Variants in DNM3 observed in about 807,000 individuals in gnomAD.
The protein encoded by DNM3 is dynamin 3.
Under a neutral mutation model 101.6 loss-of-function variants are expected in DNM3, and 47 were observed. The ratio of observed to expected loss-of-function variants is 0.46; its 90% CI spans 0.37 to 0.59. The LOEUF (loss-of-function observed/expected upper bound fraction) is 0.59. Ranked by LOEUF, DNM3 falls within the 20% of genes least tolerant of loss-of-function variation. DNM3 has a pLI of 0.00. For synonymous variants in DNM3, 385 were observed against 387.9 expected (o/e 0.99, Z 0.09); for missense variants, 849 against 1,085.7 (o/e 0.78, Z 3.06).
chr1:171,854,714 T>A (rs779491325), intron 1 of DNM3, among the ~76,000 whole-genome samples: 1 of 151,936 alleles, frequency 6.6e-6, no homozygotes, highest in Non-Finnish European at 1.5e-5. Flanking sequence ...AGAGCTGGGA[T>A]TACAGGCCCC....
At chr1:172,246,172 C>T (rs2061945903) in intron 14 of DNM3, among the ~76,000 whole-genome samples, 1 of 152,156 alleles carries the variant, frequency 6.6e-6, no homozygotes, top group Non-Finnish European at 1.5e-5. Context: ...CCAGGTCCTT[C>T]CTCCAACATT....
intron 14 of DNM3, among the ~76,000 whole-genome samples, chr1:172,214,515 T>TCCC (rs35963512): frequency 3.3e-5 from 5 of 151,396 alleles, no homozygotes; most frequent in African/African-American, 1.2e-4. Flanking sequence ...ACACACCTCA[T>TCCC]CCCCCCCACA....
chr1:172,014,267 A>G (rs1041668077), intron 4 of DNM3, among the ~76,000 whole-genome samples: 1 of 152,184 alleles, frequency 6.6e-6, no homozygotes, highest in Non-Finnish European at 1.5e-5. Context: ...AAATGAAGTA[A>G]CTCAGGAATG....
chr1:172,413,721 A>G (rs2071330578), downstream of DNM3, among the ~76,000 whole-genome samples: 1 of 152,154 alleles, frequency 6.6e-6, no homozygotes, highest in Non-Finnish European at 1.5e-5. Flanking sequence ...GAGGAGAGAG[A>G]TGTTGATTTA....
At chr1:172,407,712 G>T (rs2070996168) in intron 20 of DNM3, 60 bp from the exon 21 acceptor site, 3 of 1,563,596 alleles carry the variant, frequency 1.9e-6, no homozygotes, top group South Asian at 2.2e-5. Context: ...AGTGTCCTTG[G>T]AACAATGTTC....
At chr1:172,146,514 C>T (rs1372834333) in intron 14 of DNM3, among the ~76,000 whole-genome samples, 1 of 152,042 alleles carries the variant, frequency 6.6e-6, no homozygotes, top group South Asian at 2.1e-4. Flanking sequence ...TCTTTAGGAC[C>T]TATTCAATAG....
intron 10 of DNM3, among the ~76,000 whole-genome samples, chr1:172,058,002 C>G (rs1402994926): frequency 7.0e-6 from 1 of 142,498 alleles, no homozygotes; most frequent in Non-Finnish European, 1.5e-5. Flanking sequence ...GGAGGAAGAT[C>G]TACCAAGCAA....
chr1:172,339,054 G>C (rs1247595060), intron 17 of DNM3: 1 of 492,718 alleles, frequency 2.0e-6, no homozygotes, highest in African/African-American at 2.0e-5. Context: ...AAATAAAAAA[G>C]AAAGTTTGAT....
chr1:171,916,089 A>C (rs2145382), intron 1 of DNM3, among the ~76,000 whole-genome samples: 57,181 of 152,012 alleles, frequency 0.38, 11,461 homozygotes, highest in East Asian at 0.5. Context: ...ATGTAAAGAT[A>C]AATGTGTACA....
chr1:171,867,182 G>A lies in DNM3; in HGVS notation c.161+25365G>A, dbSNP rs571337991. On this transcript the variant is annotated intron_variant, in intron 1 of 20. Coordinates refer to ENST00000627582, the MANE Select transcript of DNM3 (RefSeq NM_015569.5). ...AGGGCAGGGCTCCCTAAAGGATAAA[G>A]GAGCTGAAGGTCAGGCTTTGAACTG... 6.4e-4 allele frequency among the ~76,000 whole-genome samples: 98 copies of A among 152,204 alleles called. 1 individual carries two copies. Among genetic ancestry groups the A allele is most frequent in the Non-Finnish European group, 1.0e-3 (70 of 68,034 alleles).
intron 2 of DNM3, among the ~76,000 whole-genome samples, chr1:171,945,215 AT>A (rs558018685): frequency 2.7e-5 from 4 of 150,168 alleles, no homozygotes; most frequent in South Asian, 2.1e-4. Flanking sequence ...ACATCATTGC[AT>A]TTTTTTTTCC....
At chr1:171,939,556 G>A (rs780632181) in intron 2 of DNM3, among the ~76,000 whole-genome samples, 5 of 152,128 alleles carry the variant, frequency 3.3e-5, no homozygotes, top group Non-Finnish European at 7.4e-5. Flanking sequence ...AGATCGGATG[G>A]AAGAAAGACA....
intron 2 of DNM3, among the ~76,000 whole-genome samples, chr1:171,956,233 G>T (rs1005796823): frequency 6.6e-6 from 1 of 152,124 alleles, no homozygotes; most frequent in Admixed American, 6.5e-5. Flanking sequence ...CTGAGACAAG[G>T]CGAGTCCCTT....
chr1:172,410,905 T>C lies in DNM3; in HGVS notation c.*3064T>C. On this transcript the variant is annotated 3_prime_UTR_variant, in exon 21 of 21. Coordinates refer to ENST00000627582, the MANE Select transcript of DNM3 (RefSeq NM_015569.5). ...ACCTAATACCAGTATGTGATAAATG[T>C]TGATGTTTTCTGTGTACAAACACAT... 3.0e-6 allele frequency: 3 copies of C among 985,324 alleles called. No individual in the cohort carries two copies. The highest frequency in any genetic ancestry group is 3.6e-6 in the Non-Finnish European group (3 of 829,842). The allele number at this position is 985,324 out of a possible 1,614,324, so 61.0% of individuals were successfully genotyped here.
chr1:172,308,480 CT>C (rs1333493911), intron 15 of DNM3, among the ~76,000 whole-genome samples: 1 of 152,118 alleles, frequency 6.6e-6, no homozygotes, highest in East Asian at 1.9e-4. Flanking sequence ...TTTGTATTTA[CT>C]TTTTAATTTT....
In DNM3 at chr1:172,108,139, A is replaced by C. The variant is rs550727224; in HGVS notation, c.1545+15264A>C. On this transcript the variant is annotated intron_variant, in intron 13 of 20. Coordinates refer to ENST00000627582, the MANE Select transcript of DNM3 (RefSeq NM_015569.5). ...TTTTAAAATTTTGTTTTGTAATTGG[A>C]TAATCCTATTCGAGAACAATCTTAC... is the stretch of plus-strand genomic sequence containing the variant. Among the ~76,000 whole-genome samples the C allele has an allele frequency of 1.3e-3, 194 of 152,230 alleles. 1 individual carries two copies. Among genetic ancestry groups the C allele is most frequent in the African/African-American group, 4.5e-3 (187 of 41,528 alleles).
intron 15 of DNM3, among the ~76,000 whole-genome samples, chr1:172,302,931 A>G (rs1172486132): frequency 6.6e-6 from 1 of 152,234 alleles, no homozygotes; most frequent in African/African-American, 2.4e-5. Context: ...GAGAAACCAG[A>G]GAAGAAAAGC....
chr1:171,878,938 T>A (rs1235666477), intron 1 of DNM3, among the ~76,000 whole-genome samples: 1 of 152,174 alleles, frequency 6.6e-6, no homozygotes, highest in Non-Finnish European at 1.5e-5. Flanking sequence ...TGTGGGAAAT[T>A]ATTACATTAT....
At chr1:172,281,963 T>A (rs2063507551) in intron 15 of DNM3, among the ~76,000 whole-genome samples, 1 of 152,212 alleles carries the variant, frequency 6.6e-6, no homozygotes, top group African/African-American at 2.4e-5. Flanking sequence ...TAATTTTTGG[T>A]CCTCCCAATT....
Sources: allele counts gnomAD v4.1 joint callset (sites outside exome capture counted in the v4.1 genomes callset), GRCh38; gene constraint gnomAD v4.1.1; transcripts MANE v1.5; gene names NCBI Gene and HGNC (gene_info 2026-07-23, HGNC 2026-07-21).